Variants in FBXL13 observed in about 807,000 individuals in gnomAD.
FBXL13 encodes the protein F-box and leucine-rich repeat protein 13.
In FBXL13, 67 loss-of-function variants were observed where a neutral mutation model predicts 83.6. The ratio of observed to expected loss-of-function variants is 0.80; its 90% confidence interval spans 0.66 to 0.98. The LOEUF is 0.98. Among genes scored for constraint, FBXL13 ranks in the 50% least tolerant of loss-of-function variants. FBXL13 has a pLI of 0.00. For synonymous variants in FBXL13, 272 were observed against 299.5 expected, an observed-to-expected ratio of 0.91 and a Z score of 0.95; for missense variants, 822 against 866.5, an observed-to-expected ratio of 0.95 and a Z score of 0.64.
At position 102,913,230 on chromosome 7, in the gene FBXL13, G is replaced by A; in HGVS notation, c.879-15C>T. ...TGTGGAAGTGCCTGAAAAGACAAAA[G>A]AGAGGAAGGAAAGTATTATACTTCC... On this transcript the variant is annotated splice_polypyrimidine_tract_variant and intron_variant, in intron 10 of 19. Coordinates refer to ENST00000313221, the Ensembl canonical transcript of FBXL13. 1 of 1,613,958 alleles carries A rather than the reference G, an allele frequency of 6.2e-7. No homozygotes were observed. The highest frequency in any genetic ancestry group is 8.5e-7 in the Non-Finnish European group (1 of 1,179,932).
intron 2 of FBXL13, among the ~76,000 whole-genome samples, chr7:103,053,804 A>G (rs569175992): frequency 1.3e-5 from 2 of 152,298 alleles, no homozygotes; most frequent in African/African-American, 4.8e-5. Context: ...TTAATAAAGT[A>G]CTATAAAAAC....
Position 103,065,870 on chromosome 7 carries a change from G to A in FBXL13, c.-105+8376C>T, listed in dbSNP as rs150531333. Among the ~76,000 whole-genome samples the A allele has an allele frequency of 3.2e-4, 48 of 152,360 alleles. No homozygotes were observed. The East Asian group carries it at 9.1e-3, about 29-fold the overall frequency. The stretch of plus-strand genomic sequence containing the variant: ...TAGTGAGCAGACGCCCCCTGCTGGG[G>A]TGCCAATGGGCTGAGGCTGGTGAGC... On this transcript the variant is annotated intron_variant, in intron 1 of 19. Coordinates refer to ENST00000313221, the Ensembl canonical transcript of FBXL13.
At chr7:102,913,322 G>T in intron 10 of FBXL13, 107 bp from the exon 12 acceptor site, 1 of 1,377,680 alleles carries the variant, frequency 7.3e-7, no homozygotes, top group Non-Finnish European at 1.0e-6. Flanking sequence ...TCTTCTTCTT[G>T]CAGATGTTCA....
intron 1 of FBXL13, among the ~76,000 whole-genome samples, chr7:103,057,543 A>G (rs1232830000): frequency 2.0e-5 from 3 of 152,258 alleles, no homozygotes; most frequent in East Asian, 3.8e-4. Context: ...AGAACTCTTA[A>G]AAACACATTT....
chr7:103,060,023 TATATA>T (rs1797713874), intron 1 of FBXL13, among the ~76,000 whole-genome samples: 2 of 57,192 alleles, frequency 3.5e-5, no homozygotes, highest in African/African-American at 1.6e-4. Flanking sequence ...AGATATTTTA[TATATA>T]TATATATATA....
rs763452406 is a variant in FBXL13, at chr7:103,025,232, T to C, written c.328-2A>G. 4 of 1,550,814 alleles carry C rather than the reference T, an allele frequency of 2.6e-6. No individual in the cohort carries two copies. The African/African-American group carries it at 5.5e-5, about 21-fold the overall frequency. On this transcript the variant is annotated splice_acceptor_variant, in intron 5 of 19. Transcript: ENST00000313221. LOFTEE classifies it high-confidence loss of function. ...CAATTGAAGTTCATGTTTTAATATC[T>C]GCAATGAAAATAATTTTAAAATTCC...
intron 6 of FBXL13, among the ~76,000 whole-genome samples, chr7:102,993,874 TTGC>T (rs1306105906): frequency 6.6e-6 from 1 of 152,230 alleles, no homozygotes; most frequent in Non-Finnish European, 1.5e-5. Context: ...CCAATCCAAA[TTGC>T]TGGTTTCAAT....
intron 6 of FBXL13, among the ~76,000 whole-genome samples, chr7:102,974,163 G>A (rs113646566): frequency 5.0e-4 from 76 of 152,252 alleles, no homozygotes; most frequent in African/African-American, 1.7e-3. Context: ...GGGTGAGGTG[G>A]GCGGATCACC....
chr7:102,983,946 G>A (rs1469483982), intron 6 of FBXL13, among the ~76,000 whole-genome samples: 1 of 152,130 alleles, frequency 6.6e-6, no homozygotes, highest in Admixed American at 6.5e-5. Flanking sequence ...GAATTCCTGA[G>A]CTCCTTCTTT....
chr7:102,854,713 AAAAAAAAG>A lies in FBXL13; in HGVS notation c.1719+56_1719+63del, dbSNP rs1273276992. The A allele has an allele frequency of 8.9e-6, 9 of 1,016,060 alleles. No individual in the cohort carries two copies. The East Asian group carries it at 1.7e-4, about 19-fold the overall frequency. The allele number at this position is 1,016,060 out of a possible 1,614,324, so 62.9% of individuals were successfully genotyped here. A position where few individuals can be genotyped will look rare whatever the true frequency, so the allele number is the denominator to read the frequency against. ...AAAAATAGTCCTTTTTATTCATTGG[AAAAAAAAG>A]AAAAAAAGAAAAATTTCAATCTTAA... On this transcript the variant is annotated intron_variant, in intron 17 of 19. Coordinates refer to ENST00000313221, the Ensembl canonical transcript of FBXL13.
chr7:102,914,944 A>G (rs889073266), intron 10 of FBXL13, among the ~76,000 whole-genome samples: 2 of 152,010 alleles, frequency 1.3e-5, no homozygotes, highest in African/African-American at 4.8e-5. Context: ...ATTTCTAGCA[A>G]TCCTTTAGCT....
intron 6 of FBXL13, among the ~76,000 whole-genome samples, chr7:103,005,877 A>G (rs1445024399): frequency 1.3e-5 from 2 of 152,208 alleles, no homozygotes; most frequent in African/African-American, 4.8e-5. Context: ...GAAGAGACCC[A>G]TAGAAGGACA....
rs189809327 is a variant in FBXL13, at chr7:103,059,234, C to T, written c.-104-3487G>A. On this transcript the variant is annotated intron_variant, in intron 1 of 19. Transcript: ENST00000313221. ...TCAAGGCTGCAGTGAGTTATTATCA[C>T]AACACTCTACTGCAGCCTGGGTGGC... Among the ~76,000 whole-genome samples, 359 of 152,270 alleles carry T rather than the reference C, an allele frequency of 2.4e-3. 2 individuals carry two copies. The highest frequency in any genetic ancestry group is 8.3e-3 in the African/African-American group (345 of 41,552).
At chr7:102,846,033 TA>T in intron 17 of FBXL13, among the ~76,000 whole-genome samples, 1 of 152,302 alleles carries the variant, frequency 6.6e-6, no homozygotes, top group African/African-American at 2.4e-5. Context: ...AAAATGGAAT[TA>T]AAAGTATTGC....
At chr7:102,903,487 G>A (rs779104299) in intron 11 of FBXL13, among the ~76,000 whole-genome samples, 1 of 152,056 alleles carries the variant, frequency 6.6e-6, no homozygotes, top group Non-Finnish European at 1.5e-5. Flanking sequence ...TCCTTATCAT[G>A]TTCCAGATCT....
chr7:102,841,839 C>G (rs1169685392), intron 17 of FBXL13, among the ~76,000 whole-genome samples: 1 of 152,160 alleles, frequency 6.6e-6, no homozygotes, highest in Non-Finnish European at 1.5e-5. Flanking sequence ...GTTTAGGAAA[C>G]TATCCTTGGC....
At chr7:103,055,147 T>C (rs1357798000) in intron 2 of FBXL13, 1 of 1,289,274 alleles carries the variant, frequency 7.8e-7, no homozygotes, top group Non-Finnish European at 1.0e-6. Flanking sequence ...CTTCGAATGT[T>C]TGGTTTCATT....
intron 11 of FBXL13, among the ~76,000 whole-genome samples, chr7:102,908,494 G>A (rs2129467966): frequency 6.6e-6 from 1 of 152,332 alleles, no homozygotes; most frequent in East Asian, 1.9e-4. Flanking sequence ...GGGCATTGAA[G>A]AGTTAGGTAT....
At chr7:102,826,225 C>G (rs1311299989) in intron 18 of FBXL13, among the ~76,000 whole-genome samples, 3 of 152,072 alleles carry the variant, frequency 2.0e-5, no homozygotes, top group African/African-American at 7.2e-5. Flanking sequence ...AAGAAAAAAC[C>G]CGCCTTGAAG....
Sources: gnomAD v4.1 joint callset for allele counts (sites outside exome capture counted in the v4.1 genomes callset) on GRCh38, gnomAD v4.1.1 for gene constraint, MANE v1.5 for transcripts, NCBI Gene and HGNC (gene_info 2026-07-23, HGNC 2026-07-21) for gene names.